The following BMPR2 variants were observed in gnomAD, a reference collection of about 807,000 sequenced individuals.
The protein encoded by BMPR2 is bone morphogenetic protein receptor type-2.
BMPR2 carries 29 observed loss-of-function variants against 100.8 expected under a neutral mutation model. The observed-to-expected ratio is 0.29, with a 90% CI of 0.21 to 0.39. The LOEUF (loss-of-function observed/expected upper bound fraction) is 0.39. Ranked by LOEUF, BMPR2 falls within the 10% of genes least tolerant of loss-of-function variation. BMPR2 has a pLI of 1.00. For missense variants in BMPR2, 1,011 were observed against 1,274.5 expected (o/e 0.79, Z 3.15); for synonymous variants, 382 against 442.3 (o/e 0.86, Z 1.71).
chr2:202,376,588 G>A lies in BMPR2; in HGVS notation c.-887G>A, dbSNP rs548329280. ...CTCGGGGGGTTGTGATTCGCTCACA[G>A]GAGCCATTGACGGGAGAAGAGGAGG... On this transcript the variant is annotated 5_prime_UTR_variant, in exon 1 of 13. Transcript: ENST00000374580. Among the ~76,000 whole-genome samples, 14 of 139,050 alleles carry A rather than the reference G, an allele frequency of 1.0e-4. No homozygotes were observed. The highest frequency in any genetic ancestry group is 1.6e-4 in the Non-Finnish European group (10 of 64,242). The allele number at this position is 139,050 out of a possible 152,430, so 91.2% of individuals were successfully genotyped here. A position where few individuals can be genotyped will look rare whatever the true frequency, so the allele number is the denominator to read the frequency against.
At chr2:202,434,663 A>T (rs945447081) in intron 1 of BMPR2, among the ~76,000 whole-genome samples, 11 of 148,740 alleles carry the variant, frequency 7.4e-5, no homozygotes, top group Admixed American at 7.3e-4. Context: ...TCTGTCACAC[A>T]GGCTGGAGTG....
chr2:202,432,191 C>T lies in BMPR2; in HGVS notation c.77-32618C>T, dbSNP rs1241246035. Among the ~76,000 whole-genome samples, 7 of 150,646 alleles carry T rather than the reference C, an allele frequency of 4.6e-5. 1 individual carries two copies. The highest frequency in any genetic ancestry group is 7.5e-5 in the African/African-American group (3 of 40,040). ...AAGGCTTCTTAAGGGCTTATGCAGT[C>T]AGAAAATTCCTTTAAGATTTGTTTT... On this transcript the variant is annotated intron_variant, in intron 1 of 12. Transcript: ENST00000374580.
At chr2:202,379,696 G>C (rs1690230108) in intron 1 of BMPR2, among the ~76,000 whole-genome samples, 1 of 152,178 alleles carries the variant, frequency 6.6e-6, no homozygotes, top group Admixed American at 6.5e-5. Context: ...CTCGACAGGC[G>C]CAAATGGTGC....
At chr2:202,466,969 T>C (rs1692335879) in intron 2 of BMPR2, 1 of 159,942 alleles carries the variant, frequency 6.3e-6, no homozygotes. Flanking sequence ...GCTTTAATAA[T>C]TCTTCGATTA....
chr2:202,435,376 C>CATACATATATATATAT (rs1553500538), intron 1 of BMPR2, among the ~76,000 whole-genome samples: 2 of 103,450 alleles, frequency 1.9e-5, no homozygotes, highest in African/African-American at 8.4e-5. Context: ...AAAAAAAATA[C>CATACATATATATATAT]ATATATATAT....
In BMPR2 at chr2:202,565,817, G is replaced by A. The variant is rs539165926; in HGVS notation, c.*5871G>A. The A allele has an allele frequency of 6.6e-6, 1 of 152,136 alleles. No homozygotes were observed. The highest frequency in any genetic ancestry group is 2.4e-5 in the African/African-American group (1 of 41,500). The allele number at this position is 152,136 out of a possible 1,614,324, so 9.4% of individuals were successfully genotyped here. A position where few individuals can be genotyped will look rare whatever the true frequency, so the allele number is the denominator to read the frequency against. ...TATACAACTTTCATTTAACTTTTAG[G>A]TGACTGATTTAAGTTGAGTGTGCAT... On this transcript the variant is annotated 3_prime_UTR_variant, in exon 13 of 13. Coordinates refer to ENST00000374580, the MANE Select transcript of BMPR2 (RefSeq NM_001204.7).
chr2:202,381,253 A>G (rs895542343), intron 1 of BMPR2, among the ~76,000 whole-genome samples: 4 of 152,156 alleles, frequency 2.6e-5, no homozygotes, highest in Non-Finnish European at 5.9e-5. Context: ...GATTATAGGC[A>G]TGAGCCACCA....
At chr2:202,516,836 C>G (rs1559062115) in intron 5 of BMPR2, among the ~76,000 whole-genome samples, 1 of 152,028 alleles carries the variant, frequency 6.6e-6, no homozygotes, top group Non-Finnish European at 1.5e-5. Flanking sequence ...TTGATATAAC[C>G]TTTTTAAAGG....
intron 1 of BMPR2, among the ~76,000 whole-genome samples, chr2:202,394,685 T>A (rs1690623690): frequency 6.6e-6 from 1 of 152,118 alleles, no homozygotes; most frequent in Non-Finnish European, 1.5e-5. Context: ...TACCTCCTTG[T>A]GGCAGGTATT....
intron 1 of BMPR2, among the ~76,000 whole-genome samples, chr2:202,410,498 A>T (rs185474061): frequency 1.2e-4 from 18 of 152,358 alleles, no homozygotes; most frequent in African/African-American, 4.3e-4. Context: ...TAATCATAGT[A>T]TTGGATTCGA....
At chr2:202,494,790 C>T (rs1251801118) in intron 3 of BMPR2, among the ~76,000 whole-genome samples, 1 of 152,186 alleles carries the variant, frequency 6.6e-6, no homozygotes, top group East Asian at 1.9e-4. Flanking sequence ...TGCACGTACA[C>T]GTGAATACAC....
At chr2:202,408,489 A>G (rs961839424) in intron 1 of BMPR2, among the ~76,000 whole-genome samples, 2 of 152,206 alleles carry the variant, frequency 1.3e-5, no homozygotes, top group African/African-American at 2.4e-5. Context: ...TATAAAATCT[A>G]GAGAGGAAAC....
At chr2:202,424,070 C>CAAA (rs773518674) in intron 1 of BMPR2, among the ~76,000 whole-genome samples, 31 of 58,642 alleles carry the variant, frequency 5.3e-4, no homozygotes, top group East Asian at 2.0e-3. Context: ...AAGACTGTCT[C>CAAA]AAAAAAAAAA....
intron 1 of BMPR2, among the ~76,000 whole-genome samples, chr2:202,408,836 A>G (rs7583801): frequency 0.5 from 76,438 of 151,984 alleles, 19,829 homozygotes; most frequent in African/African-American, 0.61. Context: ...AACAATGGTC[A>G]TATAAGTATT....
At chr2:202,443,095 T>C (rs1375949253) in intron 1 of BMPR2, among the ~76,000 whole-genome samples, 2 of 150,560 alleles carry the variant, frequency 1.3e-5, no homozygotes, top group African/African-American at 5.0e-5. Context: ...TTTTCTACAC[T>C]GTGGGAAGAC....
chr2:202,558,121 C>G (rs1688612665), intron 12 of BMPR2, among the ~76,000 whole-genome samples: 2 of 152,082 alleles, frequency 1.3e-5, no homozygotes, highest in African/African-American at 4.8e-5. Flanking sequence ...GAGTTCAAGA[C>G]TAGCCTGGGC....
rs1028948231 is a variant in BMPR2 at position 202,563,471 on chromosome 2, G to T, written c.*3525G>T. The T allele has an allele frequency of 6.6e-6, 1 of 151,944 alleles. No individual in the cohort carries two copies. Among genetic ancestry groups the T allele is most frequent in the African/African-American group, 2.4e-5 (1 of 41,392 alleles). 9.4% of individuals were successfully genotyped at this position (151,944 alleles called of 1,614,324 possible). On this transcript the variant is annotated 3_prime_UTR_variant, in exon 13 of 13. Transcript: ENST00000374580. Reference sequence around the variant, plus strand: ...ATAAAAATTCAGTCACTATACTCTGGCACAATTTTCATTTGTATATGAGCC... The same window carrying T: ...ATAAAAATTCAGTCACTATACTCTGTCACAATTTTCATTTGTATATGAGCC...
intron 10 of BMPR2, among the ~76,000 whole-genome samples, chr2:202,548,092 A>T (rs1487474183): frequency 6.6e-6 from 1 of 152,140 alleles, no homozygotes; most frequent in Non-Finnish European, 1.5e-5. Flanking sequence ...CTTAAAAAAA[A>T]AAAATGCGGC....
intron 7 of BMPR2, among the ~76,000 whole-genome samples, chr2:202,523,277 T>C (rs1687852268): frequency 6.6e-6 from 1 of 152,198 alleles, no homozygotes; most frequent in Non-Finnish European, 1.5e-5. Context: ...TATACATTAT[T>C]GGTGGGAGTA....
Sources: gnomAD v4.1 joint callset for allele counts (sites outside exome capture counted in the v4.1 genomes callset) on GRCh38, gnomAD v4.1.1 for gene constraint, MANE v1.5 for transcripts, NCBI Gene and HGNC (gene_info 2026-07-23, HGNC 2026-07-21) for gene names.